Variants in COL22A1 observed in about 807,000 individuals in gnomAD.
The protein encoded by COL22A1 is collagen type XXII alpha 1 chain, also known as collagen alpha-1(XXII) chain.
A neutral mutation model predicts 248.9 loss-of-function variants in COL22A1; 221 were observed. That is an observed-to-expected ratio of 0.89 (90% CI 0.80 to 0.99). The LOEUF is 0.99. Ranked by LOEUF, COL22A1 falls within the 50% of genes least tolerant of loss-of-function variation. COL22A1 has a pLI of 0.00. For synonymous variants in COL22A1, 891 were observed against 793.4 expected (o/e 1.12, Z -2.07); for missense variants, 2,240 against 2,179.0 (o/e 1.03, Z -0.56).
At chr8:138,799,650 A>G (rs1816836128) in intron 11 of COL22A1, among the ~76,000 whole-genome samples, 2 of 152,036 alleles carry the variant, frequency 1.3e-5, no homozygotes, top group African/African-American at 2.4e-5. Context: ...CTCTTTCTTG[A>G]TTTCTCGGTC....
rs1156412826 is a variant in COL22A1, at chr8:138,671,070, TAGGTCCACTTCAATGC to T, written c.3150+5472_3150+5487del. On this transcript the variant is annotated intron_variant, in intron 41 of 64. Coordinates refer to ENST00000303045, the MANE Select transcript of COL22A1 (RefSeq NM_152888.3). Reference sequence around the variant, plus strand: ...CTGAGCAACATGGGCTTGAACTGTGTAGGTCCACTTCAATGCAGATTGTTTTCAGTAAATACAGTGG... The same window carrying T: ...CTGAGCAACATGGGCTTGAACTGTGTAGATTGTTTTCAGTAAATACAGTGG... 2.6e-5 allele frequency among the ~76,000 whole-genome samples: 4 copies of T among 151,814 alleles called. No homozygotes were observed. In the East Asian group the frequency reaches 7.8e-4, roughly 29 times the overall value.
chr8:138,718,910 C>T (rs1363914190), intron 27 of COL22A1, among the ~76,000 whole-genome samples: 2 of 152,122 alleles, frequency 1.3e-5, no homozygotes, highest in Non-Finnish European at 2.9e-5. Flanking sequence ...ATAATTTTAG[C>T]CCAGTAATTG....
intron 30 of COL22A1, among the ~76,000 whole-genome samples, chr8:138,706,213 C>T (rs1468851324): frequency 1.3e-5 from 2 of 152,148 alleles, no homozygotes; most frequent in African/African-American, 4.8e-5. Context: ...CCACTGTCAA[C>T]ATTAGACAGA....
Position 138,703,958 on chromosome 8 carries a change from C to T in COL22A1, c.2518-611G>A, listed in dbSNP as rs558927465. On this transcript the variant is annotated intron_variant, in intron 30 of 64. Coordinates refer to ENST00000303045, the MANE Select transcript of COL22A1 (RefSeq NM_152888.3). ...GTGCTTTTCCAACAGTCTTAGCAAACGGCACACCAGAAGAATATATCCCGC... is the reference window on the plus strand; with the variant it reads ...GTGCTTTTCCAACAGTCTTAGCAAATGGCACACCAGAAGAATATATCCCGC... Among the ~76,000 whole-genome samples the T allele has an allele frequency of 6.3e-4, 96 of 152,326 alleles. 1 individual carries two copies. The highest frequency in any genetic ancestry group is 2.1e-3 in the African/African-American group (87 of 41,576).
intron 56 of COL22A1, among the ~76,000 whole-genome samples, chr8:138,610,486 A>T (rs1360054626): frequency 6.6e-6 from 1 of 152,222 alleles, no homozygotes; most frequent in Non-Finnish European, 1.5e-5. Flanking sequence ...ATTTCAATGG[A>T]GTAAAAATGA....
intron 30 of COL22A1, among the ~76,000 whole-genome samples, chr8:138,705,125 G>A (rs1049783298): frequency 1.3e-4 from 19 of 151,494 alleles, no homozygotes; most frequent in African/African-American, 3.9e-4. Flanking sequence ...GGAAATATGG[G>A]ACTATGTGAA....
chr8:138,877,744 A>C lies in COL22A1; in HGVS notation c.658+6T>G, dbSNP rs1048126073. On this transcript the variant is annotated splice_donor_region_variant and intron_variant, in intron 3 of 64. Transcript: ENST00000303045. Reference sequence around the variant, plus strand: ...GAGGGGCCGCATGGGGCCCGGGCGCACTCACTTTCACAAAGACGGCGCCGC... The same window carrying C: ...GAGGGGCCGCATGGGGCCCGGGCGCCCTCACTTTCACAAAGACGGCGCCGC... 4 of 1,570,054 alleles carry C rather than the reference A, an allele frequency of 2.5e-6. No individual in the cohort carries two copies. The highest frequency in any genetic ancestry group is 1.8e-5 in the Admixed American group (1 of 56,432).
intron 47 of COL22A1, among the ~76,000 whole-genome samples, chr8:138,641,687 C>T (rs1821724749): frequency 6.6e-6 from 1 of 152,150 alleles, no homozygotes; most frequent in Non-Finnish European, 1.5e-5. Flanking sequence ...TAAGATAAAC[C>T]TTGGGGAAGT....
intron 5 of COL22A1, among the ~76,000 whole-genome samples, chr8:138,830,382 C>T (rs1220531901): frequency 6.6e-6 from 1 of 152,212 alleles, no homozygotes; most frequent in African/African-American, 2.4e-5. Context: ...AAAGTGACAA[C>T]TTTTCTTTAT....
At chr8:138,788,592 T>C (rs1244810150) in intron 12 of COL22A1, among the ~76,000 whole-genome samples, 1 of 152,186 alleles carries the variant, frequency 6.6e-6, no homozygotes, top group South Asian at 2.1e-4. Flanking sequence ...ACATGCTTTC[T>C]AATAACACTC....
intron 4 of COL22A1, among the ~76,000 whole-genome samples, chr8:138,835,585 TC>T (rs1820366801): frequency 6.6e-6 from 1 of 152,026 alleles, no homozygotes. Flanking sequence ...CGCCACCCTA[TC>T]CCCCTCAGGA....
intron 2 of COL22A1, among the ~76,000 whole-genome samples, chr8:138,881,645 G>A (rs188382794): frequency 3.9e-5 from 6 of 152,284 alleles, no homozygotes; most frequent in South Asian, 2.1e-4. Flanking sequence ...AGATCACGCC[G>A]CTGCACTCCA....
intron 4 of COL22A1, among the ~76,000 whole-genome samples, chr8:138,834,416 C>G (rs1206150584): frequency 1.3e-5 from 2 of 151,608 alleles, no homozygotes; most frequent in Non-Finnish European, 2.9e-5. Context: ...GCCTCTTTTA[C>G]CACTAAATTC....
chr8:138,764,324 T>A (rs1045200055), intron 16 of COL22A1, among the ~76,000 whole-genome samples: 1 of 152,246 alleles, frequency 6.6e-6, no homozygotes, highest in Non-Finnish European at 1.5e-5. Context: ...GCTTGCTGGC[T>A]ACCTGCGGAG....
chr8:138,884,914 G>A (rs1430166316), intron 1 of COL22A1, among the ~76,000 whole-genome samples: 1 of 152,190 alleles, frequency 6.6e-6, no homozygotes. Context: ...TGGATTAACC[G>A]TGAAGAAAAT....
At chr8:138,646,534 C>T in intron 47 of COL22A1, 95 bp downstream of exon 47, 2 of 940,456 alleles carry the variant, frequency 2.1e-6, no homozygotes, top group Non-Finnish European at 3.0e-6. Flanking sequence ...TTTAAAACCA[C>T]TCCTTTACAC....
intron 22 of COL22A1, among the ~76,000 whole-genome samples, chr8:138,741,842 T>A (rs1369598082): frequency 6.6e-6 from 1 of 152,148 alleles, no homozygotes; most frequent in Non-Finnish European, 1.5e-5. Context: ...ATAATAATGG[T>A]GGTGGTGGCG....
In COL22A1 at chr8:138,615,610, G is replaced by T. The variant is rs560534141; in HGVS notation, c.3924+391C>A. 5.3e-5 allele frequency among the ~76,000 whole-genome samples: 8 copies of T among 152,090 alleles called. No individual in the cohort carries two copies. The South Asian group carries it at 1.7e-3, about 32-fold the overall frequency. ...AATAAAAGGGAGAGCCATTCAAGTG[G>T]TATACAATTAACACAGCACACGGTG... On this transcript the variant is annotated intron_variant, in intron 55 of 64. Transcript: ENST00000303045.
intron 18 of COL22A1, among the ~76,000 whole-genome samples, chr8:138,758,937 CAT>C (rs972284785): frequency 4.6e-5 from 7 of 152,298 alleles, no homozygotes; most frequent in Admixed American, 3.9e-4. Flanking sequence ...GAAATAGAGT[CAT>C]CACCTAGATC....
Sources: gnomAD v4.1 joint callset for allele counts (sites outside exome capture counted in the v4.1 genomes callset) on GRCh38, gnomAD v4.1.1 for gene constraint, MANE v1.5 for transcripts, NCBI Gene and HGNC (gene_info 2026-07-23, HGNC 2026-07-21) for gene names.